The following ARHGAP26 variants were observed in gnomAD, a reference collection of about 807,000 sequenced individuals.
The protein encoded by ARHGAP26 is rho GTPase-activating protein 26.
ARHGAP26 carries 38 observed loss-of-function variants against 104.8 expected under a neutral mutation model. The observed-to-expected ratio is 0.36, with a 90% confidence interval of 0.28 to 0.48. The LOEUF is 0.48. ARHGAP26 is among the 20% of genes least tolerant of loss of function. ARHGAP26 has a pLI of 0.99. For missense variants in ARHGAP26, 704 were observed against 947.9 expected (o/e 0.74, Z 3.38); for synonymous variants, 341 against 340.0 (o/e 1.00, Z -0.03).
chr5:142,878,995 T>A (rs1054582513), intron 3 of ARHGAP26, among the ~76,000 whole-genome samples: 1 of 152,230 alleles, frequency 6.6e-6, no homozygotes, highest in African/African-American at 2.4e-5. Context: ...AGACTCAGTG[T>A]TGATCTACTT....
At chr5:142,851,841 T>A (rs1287548514) in intron 1 of ARHGAP26, among the ~76,000 whole-genome samples, 2 of 152,332 alleles carry the variant, frequency 1.3e-5, no homozygotes, top group Middle Eastern at 3.4e-3. Context: ...TTGACTTTAT[T>A]TCTGCCTATT....
intron 17 of ARHGAP26, among the ~76,000 whole-genome samples, chr5:143,086,972 G>A (rs1393077430): frequency 6.6e-6 from 1 of 152,142 alleles, no homozygotes; most frequent in Non-Finnish European, 1.5e-5. Flanking sequence ...TGCAGCTCCC[G>A]CAATTCAGTC....
chr5:142,887,292 C>A (rs1460363432), intron 5 of ARHGAP26, among the ~76,000 whole-genome samples: 5 of 152,180 alleles, frequency 3.3e-5, no homozygotes, highest in African/African-American at 4.8e-5. Flanking sequence ...TGCCTCAAAA[C>A]CTTCTCTGCT....
intron 20 of ARHGAP26, among the ~76,000 whole-genome samples, chr5:143,192,969 G>T (rs534662683): frequency 6.6e-6 from 1 of 152,090 alleles, no homozygotes; most frequent in African/African-American, 2.4e-5. Flanking sequence ...CCTCATCTAC[G>T]GTTTTGCTTT....
At chr5:142,776,656 TCATTTC>T (rs1756383181) in intron 1 of ARHGAP26, among the ~76,000 whole-genome samples, 1 of 152,226 alleles carries the variant, frequency 6.6e-6, no homozygotes, top group Non-Finnish European at 1.5e-5. Flanking sequence ...ATGATTTGGG[TCATTTC>T]CAGTTTTTTG....
chr5:142,783,934 A>G (rs1043304222), intron 1 of ARHGAP26, among the ~76,000 whole-genome samples: 1 of 152,256 alleles, frequency 6.6e-6, no homozygotes, highest in Non-Finnish European at 1.5e-5. Flanking sequence ...CCAGCAGATC[A>G]TCAGCCACAC....
chr5:142,903,705 T>G (rs1210957983), intron 8 of ARHGAP26, 36 bp downstream of exon 8: 1 of 1,603,164 alleles, frequency 6.2e-7, no homozygotes, highest in Non-Finnish European at 8.5e-7. Flanking sequence ...TGGGATGTAC[T>G]CAGGCCTCTT....
intron 9 of ARHGAP26, among the ~76,000 whole-genome samples, chr5:142,910,778 A>G (rs934517483): frequency 6.6e-6 from 1 of 152,140 alleles, no homozygotes; most frequent in African/African-American, 2.4e-5. Context: ...GAGTCTCACT[A>G]TGTTGCCCAG....
At position 142,969,757 on chromosome 5, in the gene ARHGAP26, G is replaced by A. The variant is rs1343166605; in HGVS notation, c.1107+37632G>A. ...CCTCTGCTTAGAGAAGTGCACATGGGTGGTCAGTGTATCACGGCCCCTGAA... is the reference window on the plus strand; with the variant it reads ...CCTCTGCTTAGAGAAGTGCACATGGATGGTCAGTGTATCACGGCCCCTGAA... On this transcript the variant is annotated intron_variant, in intron 11 of 22. Coordinates refer to ENST00000645722, the MANE Select transcript of ARHGAP26 (RefSeq NM_001135608.3). Among the ~76,000 whole-genome samples the A allele has an allele frequency of 2.0e-5, 3 of 152,148 alleles. No homozygotes were observed. In the East Asian group the frequency reaches 5.8e-4, roughly 29 times the overall value.
intron 1 of ARHGAP26, among the ~76,000 whole-genome samples, chr5:142,820,868 T>C (rs759311112): frequency 4.6e-5 from 7 of 152,224 alleles, no homozygotes; most frequent in Non-Finnish European, 8.8e-5. Context: ...TTGCATTTCA[T>C]AGACAAGGAA....
chr5:142,976,649 G>T (rs931737148), intron 11 of ARHGAP26, among the ~76,000 whole-genome samples: 2 of 152,162 alleles, frequency 1.3e-5, no homozygotes, highest in African/African-American at 4.8e-5. Context: ...GTTGGGAAAA[G>T]ATATTTTTTT....
At chr5:142,958,310 G>C (rs1012665268) in intron 11 of ARHGAP26, among the ~76,000 whole-genome samples, 1 of 152,114 alleles carries the variant, frequency 6.6e-6, no homozygotes, top group African/African-American at 2.4e-5. Context: ...CTCTGAGGTG[G>C]TATTGTAACC....
chr5:142,991,014 G>A (rs939210408), intron 11 of ARHGAP26, among the ~76,000 whole-genome samples: 2 of 152,220 alleles, frequency 1.3e-5, no homozygotes, highest in African/African-American at 4.8e-5. Flanking sequence ...GTTTAAGTCT[G>A]CAGAAGTTTC....
At chr5:143,060,662 GGAGTCATGTGCCTCAAAGC>G (rs1434548826) in intron 17 of ARHGAP26, among the ~76,000 whole-genome samples, 2 of 151,744 alleles carry the variant, frequency 1.3e-5, no homozygotes, top group East Asian at 3.8e-4. Flanking sequence ...TATACAGTCT[GGAGTCATGTGCCTCAAAGC>G]ATGGTTAGAA....
rs534923714 is a variant in ARHGAP26 at position 143,096,276 on chromosome 5, A to G, written c.1539-24712A>G. 4.6e-5 allele frequency among the ~76,000 whole-genome samples: 7 copies of G among 152,364 alleles called. No individual in the cohort carries two copies. The South Asian group carries it at 1.0e-3, about 23-fold the overall frequency. On this transcript the variant is annotated intron_variant, in intron 17 of 22. Transcript: ENST00000645722. ...TTTGTTAATATCACCACTTATTTTA[A>G]AAAGTCATTAAATATTGGGAAGTTG...
intron 11 of ARHGAP26, among the ~76,000 whole-genome samples, chr5:142,972,363 C>T (rs1266586161): frequency 3.3e-5 from 5 of 152,012 alleles, no homozygotes; most frequent in African/African-American, 1.2e-4. Context: ...ACATTTTCTT[C>T]TAATATTTGA....
chr5:143,008,339 A>G (rs1778272544), intron 11 of ARHGAP26, among the ~76,000 whole-genome samples: 1 of 152,234 alleles, frequency 6.6e-6, no homozygotes. Context: ...ATCTGTCGCC[A>G]CTGACAGACA....
In ARHGAP26 at chr5:142,949,214, AGAGAGAGGAGAGAGAGAGGAGAGAGAG is replaced by A. The variant is rs1283719260; in HGVS notation, c.1107+17090_1107+17116del. 2.1e-3 allele frequency among the ~76,000 whole-genome samples: 133 copies of A among 63,154 alleles called. 6 individuals carry two copies. Among genetic ancestry groups the A allele is most frequent in the African/African-American group, 0.017 (129 of 7,428 alleles). 41.4% of individuals were successfully genotyped at this position (63,154 alleles called of 152,430 possible). A position where few individuals can be genotyped will look rare whatever the true frequency, so the allele number is the denominator to read the frequency against. ...GAGAGAGAGAGAGAGAGAGAGAGAG[AGAGAGAGGAGAGAGAGAGGAGAGAGAG>A]AGAGAGAGAGAGAGAGTTGAGAATA... On this transcript the variant is annotated intron_variant, in intron 11 of 22. Transcript: ENST00000645722.
At chr5:143,006,481 T>C (rs1233038150) in intron 11 of ARHGAP26, among the ~76,000 whole-genome samples, 2 of 152,180 alleles carry the variant, frequency 1.3e-5, no homozygotes, top group Admixed American at 1.3e-4. Context: ...GAATCGGTCT[T>C]TGGGAAGTGC....
Sources: gnomAD v4.1 joint callset for allele counts (sites outside exome capture counted in the v4.1 genomes callset) on GRCh38, gnomAD v4.1.1 for gene constraint, MANE v1.5 for transcripts, NCBI Gene and HGNC (gene_info 2026-07-23, HGNC 2026-07-21) for gene names.